ANGPTL4: variants seen among roughly 807,000 people sequenced by gnomAD.
ANGPTL4 encodes angiopoietin like 4, also known as angiopoietin-related protein 4.
ANGPTL4 carries 39 observed loss-of-function variants against 39.2 expected under a neutral mutation model. The ratio of observed to expected loss-of-function variants is 1.00; its 90% CI spans 0.77 to 1.30. The LOEUF (loss-of-function observed/expected upper bound fraction) is 1.30. Among genes scored for constraint, ANGPTL4 ranks in the 50% most tolerant of loss-of-function variants. ANGPTL4 has a pLI of 0.00. For synonymous variants in ANGPTL4, 233 were observed against 229.5 expected, an observed-to-expected ratio of 1.02 and a Z score of -0.14; for missense variants, 545 against 549.8, an observed-to-expected ratio of 0.99 and a Z score of 0.09.
intron 1 of ANGPTL4, 57 bp from the exon 2 acceptor site, chr19:8,365,897 A>C: frequency 1.6e-6 from 2 of 1,271,990 alleles, no homozygotes; most frequent in Non-Finnish European, 2.3e-6. Flanking sequence ...GAGTGGATGA[A>C]TTAAGAGGTT....
In ANGPTL4 at chr19:8,369,077, A is replaced by G. The variant is rs544595009; in HGVS notation, c.548-142A>G. 2.3e-5 allele frequency: 15 copies of G among 647,320 alleles called. No homozygotes were observed. The African/African-American group carries it at 2.7e-4, about 12-fold the overall frequency. The allele number at this position is 647,320 out of a possible 1,614,324, so 40.1% of individuals were successfully genotyped here. ...GGGAGCCATGGAAGAGGTTAGGCAGATGGCAGAGAGGTGGTCATGAGATAA... is the reference window on the plus strand; with the variant it reads ...GGGAGCCATGGAAGAGGTTAGGCAGGTGGCAGAGAGGTGGTCATGAGATAA... On this transcript the variant is annotated intron_variant, in intron 3 of 6. Coordinates refer to ENST00000301455, the MANE Select transcript of ANGPTL4 (RefSeq NM_139314.3).
intron 3 of ANGPTL4, among the ~76,000 whole-genome samples, chr19:8,366,648 G>A (rs1971012460): frequency 6.6e-6 from 1 of 152,098 alleles, no homozygotes; most frequent in Non-Finnish European, 1.5e-5. Context: ...TGGGGTTCGG[G>A]GTGCCATCCT....
rs370365380 is a variant in ANGPTL4, at chr19:8,366,189, C to G, written c.430-13C>G. ...CAGGCAGGACCTGACACCCTCCTCCCGTCCCATCCTAGTTTGGCCTCCTGG... is the reference window on the plus strand; with the variant it reads ...CAGGCAGGACCTGACACCCTCCTCCGGTCCCATCCTAGTTTGGCCTCCTGG... On this transcript the variant is annotated splice_polypyrimidine_tract_variant and intron_variant, in intron 2 of 6. Transcript: ENST00000301455. The G allele has an allele frequency of 3.1e-6, 5 of 1,613,456 alleles. No individual in the cohort carries two copies. The highest frequency in any genetic ancestry group is 4.2e-6 in the Non-Finnish European group (5 of 1,179,602).
chr19:8,373,685 C>G lies in ANGPTL4; in HGVS notation c.1040-20C>G, dbSNP rs1327654143. ...TGGCTCAAAGACCTGACCATGTTCCCTCTCCCCTGACCCCGGCAGGAGGCT... is the reference window on the plus strand; with the variant it reads ...TGGCTCAAAGACCTGACCATGTTCCGTCTCCCCTGACCCCGGCAGGAGGCT... On this transcript the variant is annotated intron_variant, in intron 6 of 6. Transcript: ENST00000301455. 2 of 1,613,810 alleles carry G rather than the reference C, an allele frequency of 1.2e-6. No individual in the cohort carries two copies. Among genetic ancestry groups the G allele is most frequent in the South Asian group, 1.1e-5 (1 of 91,060 alleles).
In ANGPTL4 at chr19:8,364,155, A is replaced by G; in HGVS notation, c.-167A>G. On this transcript the variant is annotated 5_prime_UTR_variant, in exon 1 of 7. Transcript: ENST00000301455. ...AAAACCGTCCTCGGGCGCGGCGGGGAGAAGCCGAGCTGAGCGGATCCTCAC... is the reference window on the plus strand; with the variant it reads ...AAAACCGTCCTCGGGCGCGGCGGGGGGAAGCCGAGCTGAGCGGATCCTCAC... 5 of 684,412 alleles carry G rather than the reference A, an allele frequency of 7.3e-6. No individual in the cohort carries two copies. The highest frequency in any genetic ancestry group is 4.4e-5 in the South Asian group (2 of 45,852). 42.4% of individuals were successfully genotyped at this position (684,412 alleles called of 1,614,324 possible).
In ANGPTL4 at chr19:8,364,908, T is replaced by TAAAAG. The variant is rs1970970342; in HGVS notation, c.318+272_318+273insAGAAA. 2.0e-5 allele frequency among the ~76,000 whole-genome samples: 3 copies of TAAAAG among 151,026 alleles called. No homozygotes were observed. In the South Asian group the frequency reaches 6.3e-4, roughly 32 times the overall value. Reference sequence around the variant, plus strand: ...ACAAAATAAATAAAATAAAATAAAATAAATATAAAATTAAAAAACGACCGG... The same window carrying TAAAAG: ...ACAAAATAAATAAAATAAAATAAAATAAAAGAAATATAAAATTAAAAAACGACCGG... On this transcript the variant is annotated intron_variant, in intron 1 of 6. Coordinates refer to ENST00000301455, the MANE Select transcript of ANGPTL4 (RefSeq NM_139314.3).
chr19:8,364,218 C>T lies in ANGPTL4; in HGVS notation c.-104C>T. 1 of 1,229,262 alleles carries T rather than the reference C, an allele frequency of 8.1e-7. No homozygotes were observed. Among genetic ancestry groups the T allele is most frequent in the South Asian group, 1.5e-5 (1 of 68,724 alleles). The allele number at this position is 1,229,262 out of a possible 1,614,324, so 76.1% of individuals were successfully genotyped here. A position where few individuals can be genotyped will look rare whatever the true frequency, so the allele number is the denominator to read the frequency against. On this transcript the variant is annotated 5_prime_UTR_variant, in exon 1 of 7. Transcript: ENST00000301455. ...CGATTCTTTCCAGCGGCTTCTGCAA[C>T]CAAGCGGGTCTTACCCCCGGTCCTC...
At position 8,366,112 on chromosome 19, in the gene ANGPTL4, C is replaced by T. The variant is rs186372928; in HGVS notation, c.429+48C>T. On this transcript the variant is annotated intron_variant, in intron 2 of 6. Coordinates refer to ENST00000301455, the MANE Select transcript of ANGPTL4 (RefSeq NM_139314.3). Reference sequence around the variant, plus strand: ...AAAGGTCCCTCTGATAGCTGGACCCCAGGTTGAGAGGGAGGTGGTGAGAAC... The same window carrying T: ...AAAGGTCCCTCTGATAGCTGGACCCTAGGTTGAGAGGGAGGTGGTGAGAAC... 4.1e-4 allele frequency: 659 copies of T among 1,606,306 alleles called. No homozygotes were observed. The African/African-American group carries it at 7.2e-3, about 18-fold the overall frequency.
intron 4 of ANGPTL4, 109 bp from the exon 5 acceptor site, chr19:8,370,947 G>A (rs1022382947): frequency 1.7e-6 from 2 of 1,177,290 alleles, no homozygotes; most frequent in African/African-American, 3.0e-5. Flanking sequence ...GAGTGAGGGA[G>A]CTGCTGTCTT....
chr19:8,364,710 T>C, intron 1 of ANGPTL4, 71 bp downstream of exon 1: 1 of 1,520,824 alleles, frequency 6.6e-7, no homozygotes, highest in Non-Finnish European at 8.9e-7. Context: ...TGGACAGGAG[T>C]GGGGCGTGGG....
chr19:8,366,453 C>A, intron 3 of ANGPTL4, 134 bp downstream of exon 3: 1 of 1,033,438 alleles, frequency 9.7e-7, no homozygotes, highest in South Asian at 1.4e-5. Context: ...TCACCAGTCT[C>A]TGGGTCAAAG....
In ANGPTL4 at chr19:8,366,214, G is replaced by T; in HGVS notation, c.442G>T (p.Asp148Tyr). The part of the protein sequence containing the change: ...QHLQSQFGLL[D>Y]HKHLDHEVAK... ...CGTCCCATCCTAGTTTGGCCTCCTG[G>T]ACCACAAGCACCTAGACCATGAGGT... The change falls in exon 3 of 7, where the codon GAC (aspartate) becomes TAC (tyrosine). Residue 148 changes from aspartate (D) to tyrosine (Y), a missense_variant. Coordinates refer to ENST00000301455, the MANE Select transcript of ANGPTL4 (RefSeq NM_139314.3). 6.2e-7 allele frequency: 1 copy of T among 1,614,104 alleles called. No homozygotes were observed. Among genetic ancestry groups the T allele is most frequent in the Non-Finnish European group, 8.5e-7 (1 of 1,180,040 alleles).
intron 1 of ANGPTL4, among the ~76,000 whole-genome samples, chr19:8,365,637 A>G (rs1970987053): frequency 1.3e-5 from 2 of 152,028 alleles, no homozygotes; most frequent in Admixed American, 6.6e-5. Flanking sequence ...CCTGGGTGAC[A>G]GAGCGAGACT....
At position 8,373,823 on chromosome 19, in the gene ANGPTL4, C is replaced by T; in HGVS notation, c.1158C>T (p.Arg386=). The change falls in exon 7 of 7, where the codon CGC becomes CGT. Residue 386 remains arginine (R), a synonymous_variant. Transcript: ENST00000301455. ...TCTTCTGGAAGACCTGGCGGGGCCG[C>T]TACTACCCGCTGCAGGCCACCACCA... ...KGIFWKTWRG[R]YYPLQATTML... is the part of the protein sequence containing the mutation. The T allele has an allele frequency of 1.9e-6, 3 of 1,613,886 alleles. No individual in the cohort carries two copies. The highest frequency in any genetic ancestry group is 2.5e-6 in the Non-Finnish European group (3 of 1,180,014).
In ANGPTL4 at chr19:8,373,753, A is replaced by G; in HGVS notation, c.1088A>G (p.Tyr363Cys). 2 of 1,613,952 alleles carry G rather than the reference A, an allele frequency of 1.2e-6. No individual in the cohort carries two copies. The highest frequency in any genetic ancestry group is 1.7e-6 in the Non-Finnish European group (2 of 1,180,018). ...TCSHSNLNGQ[Y>C]FRSIPQQRQK... ...AGCCATTCCAACCTCAACGGCCAGT[A>G]CTTCCGCTCCATCCCACAGCAGCGG... The change falls in exon 7 of 7, where the codon TAC becomes TGC. Residue 363 changes from tyrosine to cysteine, a missense_variant. By Grantham distance (194) the Tyr-to-Cys change is radical. Coordinates refer to ENST00000301455, the MANE Select transcript of ANGPTL4 (RefSeq NM_139314.3).
At chr19:8,364,731 G>A in intron 1 of ANGPTL4, 92 bp downstream of exon 1, 8 of 1,445,958 alleles carry the variant, frequency 5.5e-6, no homozygotes, top group African/African-American at 1.4e-5. Flanking sequence ...GGCGGGGTGC[G>A]CAACTGTGGC....
chr19:8,365,936 G>C lies in ANGPTL4; in HGVS notation c.319-18G>C. On this transcript the variant is annotated intron_variant, in intron 1 of 6. Coordinates refer to ENST00000301455, the MANE Select transcript of ANGPTL4 (RefSeq NM_139314.3). The stretch of plus-strand genomic sequence containing the variant: ...GTAGGCAAGCTGGGTCCTCACCAAG[G>C]TTTTCACCCCTCCCCAGACACAACT... 1.2e-6 allele frequency: 2 copies of C among 1,610,318 alleles called. No homozygotes were observed. The highest frequency in any genetic ancestry group is 1.7e-5 in the Admixed American group (1 of 59,886).
chr19:8,369,490 G>A (rs575701155), intron 4 of ANGPTL4, among the ~76,000 whole-genome samples, 158 bp downstream of exon 4: 134 of 102,380 alleles, frequency 1.3e-3, no homozygotes, highest in African/African-American at 5.1e-3. Flanking sequence ...ATGGAGTTTT[G>A]CTCTTGGAGC....
chr19:8,373,352 C>T (rs542948988), intron 6 of ANGPTL4, among the ~76,000 whole-genome samples: 90 of 151,686 alleles, frequency 5.9e-4, no homozygotes, highest in Non-Finnish European at 1.0e-3. Context: ...TGCAGTGAGC[C>T]GAGATTGTGC....
Sources: gnomAD v4.1 joint callset for allele counts (sites outside exome capture counted in the v4.1 genomes callset) on GRCh38, gnomAD v4.1.1 for gene constraint, MANE v1.5 for transcripts, NCBI Gene and HGNC (gene_info 2026-07-23, HGNC 2026-07-21) for gene names.